Variants in APOBEC3G observed in about 807,000 individuals in gnomAD.
APOBEC3G encodes the protein apolipoprotein B mRNA editing enzyme catalytic subunit 3G.
APOBEC3G carries 44 observed loss-of-function variants against 50.0 expected under a neutral mutation model. The observed-to-expected ratio is 0.88, with a 90% CI of 0.69 to 1.13. APOBEC3G has a LOEUF of 1.13. Ranked by LOEUF, APOBEC3G falls within the 50% of genes most tolerant of loss-of-function variation. The probability of loss-of-function intolerance (pLI) is 0.00; values close to 1 mark genes in which losing one functional copy is unlikely to be tolerated. For missense variants in APOBEC3G, 469 were observed against 492.0 expected (o/e 0.95, Z 0.44); for synonymous variants, 156 against 175.3 (o/e 0.89, Z 0.87).
intron 2 of APOBEC3G, 59 bp downstream of exon 2, chr22:39,079,144 C>T: frequency 6.3e-7 from 1 of 1,583,348 alleles, no homozygotes; most frequent in South Asian, 1.2e-5. Context: ...GGAAAGCAAA[C>T]CACGCACTGA....
At chr22:39,079,755 G>C (rs1233949136) in intron 2 of APOBEC3G, 1 of 151,874 alleles carries the variant, frequency 6.6e-6, no homozygotes, top group Non-Finnish European at 1.5e-5. Context: ...CGTGGGTCAC[G>C]TACAGTGGGT....
At position 39,080,798 on chromosome 22, in the gene APOBEC3G, CAG is replaced by C. The variant is rs918410868; in HGVS notation, c.172-134_172-133del. The stretch of plus-strand genomic sequence containing the variant: ...GGAGCAGACAAACACTCAAACCGAA[CAG>C]GGGGATGGAGGAAAGGAGCTTCAAT... On this transcript the variant is annotated intron_variant, in intron 2 of 7. Transcript: ENST00000407997. 19 of 799,666 alleles carry C rather than the reference CAG, an allele frequency of 2.4e-5. No individual in the cohort carries two copies. The Admixed American group carries it at 5.2e-4, about 22-fold the overall frequency. 49.5% of individuals were successfully genotyped at this position (799,666 alleles called of 1,614,324 possible).
chr22:39,078,699 T>G, intron 1 of APOBEC3G: 5 of 529,358 alleles, frequency 9.4e-6, no homozygotes, highest in Admixed American at 3.5e-5. Context: ...GGGTGAAGAG[T>G]TTTATTCTGT....
chr22:39,086,180 T>G (rs933283709), intron 5 of APOBEC3G, 99 bp from the exon 6 acceptor site: 4 of 1,363,206 alleles, frequency 2.9e-6, no homozygotes, highest in Non-Finnish European at 4.0e-6. Flanking sequence ...GGTGCATGCC[T>G]GTAATCCTAG....
chr22:39,077,025 G>A (rs1928179864), upstream of APOBEC3G: 2 of 471,428 alleles, frequency 4.2e-6, no homozygotes, highest in Admixed American at 6.8e-5. Flanking sequence ...GGCTCAGCCT[G>A]GTGTGGACCC....
intron 4 of APOBEC3G, chr22:39,081,807 G>A: frequency 2.0e-6 from 1 of 496,672 alleles, no homozygotes; most frequent in East Asian, 3.5e-5. Context: ...TCCTGTGAGT[G>A]AGAGGCCCCT....
chr22:39,087,203 T>A (rs989643351), intron 7 of APOBEC3G, 77 bp downstream of exon 7: 11 of 1,594,912 alleles, frequency 6.9e-6, no homozygotes, highest in Non-Finnish European at 9.4e-6. Context: ...TGCCTTCCCC[T>A]CTGCTCAGAG....
intron 2 of APOBEC3G, 140 bp from the exon 3 acceptor site, chr22:39,080,793 C>A: frequency 1.3e-6 from 1 of 784,582 alleles, no homozygotes; most frequent in Non-Finnish European, 2.0e-6. Flanking sequence ...AACACTCAAA[C>A]CGAACAGGGG....
Position 39,079,242 on chromosome 22 carries a change from G to A in APOBEC3G, c.171+157G>A, listed in dbSNP as rs144593890. On this transcript the variant is annotated intron_variant, in intron 2 of 7. Coordinates refer to ENST00000407997, the MANE Select transcript of APOBEC3G (RefSeq NM_021822.4). Reference sequence around the variant, plus strand: ...GTGGCCCTGACCTTCCTGCTGGACCGTCCTGGGATCGGATCGTGGAGGGGG... The same window carrying A: ...GTGGCCCTGACCTTCCTGCTGGACCATCCTGGGATCGGATCGTGGAGGGGG... The A allele has an allele frequency of 8.9e-4, 943 of 1,063,960 alleles. 1 individual carries two copies. The highest frequency in any genetic ancestry group is 1.2e-3 in the Non-Finnish European group (878 of 751,584). 65.9% of individuals were successfully genotyped at this position (1,063,960 alleles called of 1,614,324 possible).
At chr22:39,078,053 A>C (rs1181942943) in intron 1 of APOBEC3G, among the ~76,000 whole-genome samples, 2 of 152,206 alleles carry the variant, frequency 1.3e-5, no homozygotes, top group Non-Finnish European at 2.9e-5. Context: ...TGCGGTCAGG[A>C]GTTCAAGACC....
Position 39,087,729 on chromosome 22 carries a change from C to T in APOBEC3G, c.*308C>T. On this transcript the variant is annotated 3_prime_UTR_variant, in exon 8 of 8. Transcript: ENST00000407997. The stretch of plus-strand genomic sequence containing the variant: ...GTAGGTAGAGGAATAAAATGAAATA[C>T]TAAATCTTTCTGTATATGTTTCCCT... The T allele has an allele frequency of 2.3e-6, 1 of 435,938 alleles. No individual in the cohort carries two copies. The highest frequency in any genetic ancestry group is 4.1e-6 in the Non-Finnish European group (1 of 243,986). 27.0% of individuals were successfully genotyped at this position (435,938 alleles called of 1,614,324 possible).
At chr22:39,081,696 C>T (rs997939249) in intron 4 of APOBEC3G, 111 bp downstream of exon 4, 7 of 846,776 alleles carry the variant, frequency 8.3e-6, no homozygotes, top group African/African-American at 5.2e-5. Context: ...GCCCTCCTGC[C>T]TTCCCTCCTG....
Position 39,077,353 on chromosome 22 carries a change from C to T in APOBEC3G, c.-9C>T. The T allele has an allele frequency of 1.9e-6, 3 of 1,577,790 alleles. No individual in the cohort carries two copies. Among genetic ancestry groups the T allele is most frequent in the Non-Finnish European group, 2.6e-6 (3 of 1,161,324 alleles). On this transcript the variant is annotated 5_prime_UTR_variant, in exon 1 of 8. Coordinates refer to ENST00000407997, the MANE Select transcript of APOBEC3G (RefSeq NM_021822.4). Reference sequence around the variant, plus strand: ...GACAAAGATCTTAGTCGGGACTAGCCGGCCAAGGATGAAGCCTCACTTCAG... The same window carrying T: ...GACAAAGATCTTAGTCGGGACTAGCTGGCCAAGGATGAAGCCTCACTTCAG...
chr22:39,077,784 T>A (rs1233940810), intron 1 of APOBEC3G, among the ~76,000 whole-genome samples: 3 of 152,214 alleles, frequency 2.0e-5, no homozygotes, highest in Admixed American at 2.0e-4. Context: ...TTCTGTAAGA[T>A]TTACTTTGCT....
chr22:39,080,609 C>T (rs1928392980), intron 2 of APOBEC3G: 1 of 325,222 alleles, frequency 3.1e-6, no homozygotes. Flanking sequence ...TGACATACTG[C>T]CCCCCCAGCT....
intron 2 of APOBEC3G, 92 bp downstream of exon 2, chr22:39,079,177 G>A (rs1246493507): frequency 6.9e-7 from 1 of 1,457,678 alleles, no homozygotes; most frequent in African/African-American, 1.4e-5. Flanking sequence ...CCGGCGGCGG[G>A]CTATCCAGTG....
intron 4 of APOBEC3G, chr22:39,082,685 G>A (rs1601522471): frequency 6.6e-6 from 1 of 152,332 alleles, no homozygotes; most frequent in East Asian, 1.9e-4. Context: ...GAGGGAGCGG[G>A]GGTTAAGGCT....
chr22:39,078,894 G>A (rs1158428080), intron 1 of APOBEC3G, 38 bp from the exon 2 acceptor site: 1 of 1,611,892 alleles, frequency 6.2e-7, no homozygotes, highest in Non-Finnish European at 8.5e-7. Context: ...CCCCAGGAGT[G>A]CTCTCTACAT....
At position 39,081,118 on chromosome 22, in the gene APOBEC3G, T is replaced by C. The variant is rs5757465; in HGVS notation, c.357T>C (p.Phe119=). 0.4 allele frequency: 647,137 copies of C among 1,614,034 alleles called. 136,188 individuals are homozygous for C. Among genetic ancestry groups the C allele is most frequent in the Middle Eastern group, 0.46 (2,758 of 6,060 alleles). ...ACCCGAAGGTTACCCTGACCATCTT[T>C]GTTGCCCGCCTCTACTACTTCTGGG... ...AEDPKVTLTI[F]VARLYYFWDP... The change falls in exon 3 of 8, where the codon TTT becomes TTC. Residue 119 remains phenylalanine, a synonymous_variant. Transcript: ENST00000407997.
Sources: gnomAD v4.1 joint callset for allele counts (sites outside exome capture counted in the v4.1 genomes callset) on GRCh38, gnomAD v4.1.1 for gene constraint, MANE v1.5 for transcripts, NCBI Gene and HGNC (gene_info 2026-07-23, HGNC 2026-07-21) for gene names.